Variants in ATG7 observed in about 807,000 individuals in gnomAD.
The protein encoded by ATG7 is ubiquitin-like modifier-activating enzyme ATG7.
A neutral mutation model predicts 82.4 loss-of-function variants in ATG7; 70 were observed. The observed-to-expected ratio is 0.85, with a 90% CI of 0.70 to 1.04. The LOEUF (loss-of-function observed/expected upper bound fraction) is 1.04. Among genes scored for constraint, ATG7 ranks in the 50% least tolerant of loss-of-function variants. The pLI is 0.00. For synonymous variants in ATG7, 287 were observed against 313.0 expected (o/e 0.92, Z 0.88); for missense variants, 792 against 864.3 (o/e 0.92, Z 1.05).
intron 11 of ATG7, among the ~76,000 whole-genome samples, chr3:11,338,717 C>T (rs561648224): frequency 2.6e-5 from 4 of 152,198 alleles, no homozygotes; most frequent in Admixed American, 1.3e-4. Context: ...TCAGAGTGCC[C>T]GATTTAAAAG....
At chr3:11,453,638 C>A (rs1332665337) in intron 20 of ATG7, among the ~76,000 whole-genome samples, 5 of 152,328 alleles carry the variant, frequency 3.3e-5, no homozygotes, top group South Asian at 4.1e-4. Flanking sequence ...TATGAGTCAT[C>A]CTTCCCACAA....
intron 9 of ATG7, among the ~76,000 whole-genome samples, chr3:11,329,637 T>C (rs1174401920): frequency 6.6e-6 from 1 of 152,216 alleles, no homozygotes; most frequent in South Asian, 2.1e-4. Context: ...TGTCTTCCTT[T>C]TATTAAAATA....
intron 20 of ATG7, among the ~76,000 whole-genome samples, chr3:11,455,374 G>C (rs2085601752): frequency 6.6e-6 from 1 of 152,170 alleles, no homozygotes; most frequent in Admixed American, 6.5e-5. Flanking sequence ...GTTTAGAGTA[G>C]TCAGTTTCTG....
chr3:11,421,602 G>A (rs1213893598), intron 19 of ATG7, among the ~76,000 whole-genome samples: 1 of 152,182 alleles, frequency 6.6e-6, no homozygotes, highest in African/African-American at 2.4e-5. Context: ...CATCCATGAG[G>A]GTTGGAATCA....
chr3:11,472,131 C>T (rs531723269), intron 20 of ATG7, among the ~76,000 whole-genome samples: 4 of 152,254 alleles, frequency 2.6e-5, no homozygotes, highest in African/African-American at 9.6e-5. Context: ...TTTAAGCAAA[C>T]ATGAGAATGT....
chr3:11,379,742 A>G lies in ATG7; in HGVS notation c.1876-230A>G, dbSNP rs180799288. Reference sequence around the variant, plus strand: ...TTTGTTTTTAGGTCAGAAATATTTGAAAAGCTTGTAAGCCCTGGCTCCTAA... The same window carrying G: ...TTTGTTTTTAGGTCAGAAATATTTGGAAAGCTTGTAAGCCCTGGCTCCTAA... On this transcript the variant is annotated intron_variant, in intron 18 of 20. Transcript: ENST00000693202. Among the ~76,000 whole-genome samples the G allele has an allele frequency of 1.4e-3, 206 of 152,370 alleles. 1 individual carries two copies. Among genetic ancestry groups the G allele is most frequent in the Non-Finnish European group, 2.1e-3 (144 of 68,026 alleles).
chr3:11,549,408 C>T (rs114298794), intron 20 of ATG7, among the ~76,000 whole-genome samples: 46 of 152,304 alleles, frequency 3.0e-4, no homozygotes, highest in African/African-American at 1.1e-3. Context: ...TACAGTCCAG[C>T]ATGATTAACA....
chr3:11,504,143 C>T (rs939102850), intron 20 of ATG7, among the ~76,000 whole-genome samples: 3 of 152,084 alleles, frequency 2.0e-5, no homozygotes, highest in East Asian at 1.9e-4. Context: ...GAACAAAAGA[C>T]AGTCGAGAGG....
chr3:11,495,856 C>G (rs1048153815), intron 20 of ATG7, among the ~76,000 whole-genome samples: 1 of 152,196 alleles, frequency 6.6e-6, no homozygotes, highest in Non-Finnish European at 1.5e-5. Flanking sequence ...TTTATTTTCT[C>G]TTAATGGAAT....
At chr3:11,348,088 C>G in intron 14 of ATG7, 53 bp downstream of exon 14, 1 of 1,548,554 alleles carries the variant, frequency 6.5e-7, no homozygotes, top group East Asian at 2.3e-5. Context: ...ATGTTTAAGT[C>G]TTGGGAAATG....
chr3:11,419,772 A>G (rs894527802), intron 19 of ATG7, among the ~76,000 whole-genome samples: 20 of 152,200 alleles, frequency 1.3e-4, no homozygotes, highest in Non-Finnish European at 2.2e-4. Context: ...TAGCAAGGCA[A>G]TACTCTAAAA....
intron 16 of ATG7, among the ~76,000 whole-genome samples, chr3:11,362,063 T>TATA (rs1438000754): frequency 6.6e-6 from 1 of 152,228 alleles, no homozygotes; most frequent in Non-Finnish European, 1.5e-5. Flanking sequence ...GTTATGGTGT[T>TATA]ATAATATATA....
At chr3:11,494,569 T>C (rs2090660587) in intron 20 of ATG7, among the ~76,000 whole-genome samples, 1 of 152,116 alleles carries the variant, frequency 6.6e-6, no homozygotes, top group Non-Finnish European at 1.5e-5. Context: ...AAAGCTAGGA[T>C]TAGGAAGAAG....
intron 20 of ATG7, among the ~76,000 whole-genome samples, chr3:11,434,690 T>C (rs1451734986): frequency 1.3e-5 from 2 of 152,364 alleles, no homozygotes; most frequent in South Asian, 2.1e-4. Context: ...GATAAATCGT[T>C]ATTGGGGAAA....
intron 3 of ATG7, among the ~76,000 whole-genome samples, chr3:11,295,798 T>A (rs542252010): frequency 6.7e-6 from 1 of 149,888 alleles, no homozygotes; most frequent in South Asian, 2.1e-4. Flanking sequence ...CTTTTTTTTT[T>A]TTTTTGAGAT....
At chr3:11,407,949 T>C (rs1303429933) in intron 19 of ATG7, among the ~76,000 whole-genome samples, 2 of 152,252 alleles carry the variant, frequency 1.3e-5, no homozygotes, top group South Asian at 4.1e-4. Flanking sequence ...GTCTTGGTGA[T>C]TAACATTTTG....
chr3:11,563,081 G>C, the ATG7 span, among the ~76,000 whole-genome samples: 2 of 152,364 alleles, frequency 1.3e-5, no homozygotes, highest in Non-Finnish European at 1.5e-5. Flanking sequence ...CAAGAGCCCT[G>C]AAGAGTCAAG....
At chr3:11,490,984 T>C (rs1277807478) in intron 20 of ATG7, among the ~76,000 whole-genome samples, 2 of 152,166 alleles carry the variant, frequency 1.3e-5, no homozygotes, top group African/African-American at 2.4e-5. Flanking sequence ...ATCTTTGTGG[T>C]GTTCTCTGTA....
chr3:11,520,193 C>T (rs1249316545), intron 20 of ATG7, among the ~76,000 whole-genome samples: 1 of 152,170 alleles, frequency 6.6e-6, no homozygotes, highest in Non-Finnish European at 1.5e-5. Context: ...TAAAAGATGG[C>T]AGAGCCAGGA....
Sources: allele counts gnomAD v4.1 joint callset (sites outside exome capture counted in the v4.1 genomes callset), GRCh38; gene constraint gnomAD v4.1.1; transcripts MANE v1.5; gene names NCBI Gene and HGNC (gene_info 2026-07-23, HGNC 2026-07-21).